The following ZNF280D variants were observed in gnomAD, a reference collection of about 807,000 sequenced individuals.
ZNF280D encodes the protein suppressor of hairy wing homolog 4.
A neutral mutation model predicts 94.7 loss-of-function variants in ZNF280D; 39 were observed. The ratio of observed to expected loss-of-function variants is 0.41; its 90% CI spans 0.32 to 0.54. The LOEUF (loss-of-function observed/expected upper bound fraction) is 0.54, where lower values mean the gene tolerates loss of function less well. Ranked by LOEUF, ZNF280D falls within the 20% of genes least tolerant of loss-of-function variation. The pLI, the probability that ZNF280D is intolerant of heterozygous loss-of-function variation, is 0.22. For missense variants in ZNF280D, 1,090 were observed against 1,149.3 expected, an observed-to-expected ratio of 0.95 and a Z score of 0.75; for synonymous variants, 398 against 377.6, an observed-to-expected ratio of 1.05 and a Z score of -0.63.
At position 56,642,991 on chromosome 15, in the gene ZNF280D, T is replaced by C. The variant is rs1330609203; in HGVS notation, c.2220A>G (p.Lys740=). 3 of 1,505,950 alleles carry C rather than the reference T, an allele frequency of 2.0e-6. No homozygotes were observed. The highest frequency in any genetic ancestry group is 2.7e-6 in the Non-Finnish European group (3 of 1,131,120). 93.3% of individuals were successfully genotyped at this position (1,505,950 alleles called of 1,614,324 possible). Residue 740 remains lysine (K), a synonymous_variant, in exon 20 of 22, where the codon AAA becomes AAG. Transcript: ENST00000267807. ...CTTGTTCCTTTGCGGGAGCTTCTTT[T>C]TTTAATCTTGAAAACAAGATAAGTA... ...IPTSEHLSEL[K]KEAPAKEQEP...
At chr15:56,635,340 A>T (rs2052301321) in intron 20 of ZNF280D, 90 bp from the exon 21 acceptor site, 2 of 515,096 alleles carry the variant, frequency 3.9e-6, no homozygotes, top group South Asian at 9.3e-5. Context: ...AAAAGAAACA[A>T]GTGTGCAACT....
intron 20 of ZNF280D, among the ~76,000 whole-genome samples, chr15:56,636,092 C>T (rs2052337356): frequency 6.6e-6 from 1 of 152,094 alleles, no homozygotes; most frequent in Non-Finnish European, 1.5e-5. Context: ...CACTTATCTA[C>T]TCACCGTCTC....
chr15:56,703,785 T>C (rs1390439598), intron 4 of ZNF280D, among the ~76,000 whole-genome samples: 23 of 151,894 alleles, frequency 1.5e-4, no homozygotes, highest in African/African-American at 4.6e-4. Flanking sequence ...GCCAAGGAGG[T>C]TGAGGCTACA....
chr15:56,637,893 T>A, intron 20 of ZNF280D, among the ~76,000 whole-genome samples: 1 of 152,100 alleles, frequency 6.6e-6, no homozygotes, highest in East Asian at 1.9e-4. Flanking sequence ...ATCTTTTTAA[T>A]ATTTTGTGTG....
Position 56,707,144 on chromosome 15 carries a change from C to G in ZNF280D, c.-35G>C, listed in dbSNP as rs77988989. The G allele has an allele frequency of 1.9e-6, 3 of 1,613,668 alleles. No homozygotes were observed. The highest frequency in any genetic ancestry group is 2.5e-6 in the Non-Finnish European group (3 of 1,179,856). On this transcript the variant is annotated 5_prime_UTR_variant, in exon 3 of 22. Coordinates refer to ENST00000267807, the MANE Select transcript of ZNF280D (RefSeq NM_017661.4). ...GAGATGACTTTCTGTAAATTGTCAC[C>G]TAAGTACTGACACATGATATCAGTC... is the stretch of plus-strand genomic sequence containing the variant.
Position 56,630,653 on chromosome 15 carries a change from G to A in ZNF280D, c.*845C>T, listed in dbSNP as rs1445171591. On this transcript the variant is annotated 3_prime_UTR_variant, in exon 22 of 22. Transcript: ENST00000267807. ...ACCATTTTTATGGGCCTATTTCTAA[G>A]GAAGATCATTAAAACAATATTAAAA... 1 of 151,990 alleles carries A rather than the reference G, an allele frequency of 6.6e-6. No individual in the cohort carries two copies. The highest frequency in any genetic ancestry group is 2.4e-5 in the African/African-American group (1 of 41,366). The allele number at this position is 151,990 out of a possible 1,614,324, so 9.4% of individuals were successfully genotyped here. A position where few individuals can be genotyped will look rare whatever the true frequency, so the allele number is the denominator to read the frequency against.
At chr15:56,678,327 A>G (rs2055385885) in intron 11 of ZNF280D, among the ~76,000 whole-genome samples, 1 of 152,100 alleles carries the variant, frequency 6.6e-6, no homozygotes, top group Non-Finnish European at 1.5e-5. Context: ...TTTTTAACTA[A>G]AACAGTAGTT....
intron 21 of ZNF280D, chr15:56,634,185 A>G (rs2052233247): frequency 2.0e-5 from 3 of 152,182 alleles, no homozygotes; most frequent in Admixed American, 2.0e-4. Context: ...AGTGGTAGAA[A>G]GATTCTGATT....
intron 3 of ZNF280D, among the ~76,000 whole-genome samples, chr15:56,706,822 T>A (rs1252326274): frequency 6.6e-6 from 1 of 152,128 alleles, no homozygotes; most frequent in Non-Finnish European, 1.5e-5. Flanking sequence ...TAATTTAATT[T>A]TTGTCTATGT....
In ZNF280D at chr15:56,707,392, A is replaced by T; in HGVS notation, c.-85-86T>A. On this transcript the variant is annotated intron_variant, in intron 1 of 21. Transcript: ENST00000267807. ...TAATCTTTTCTCCTATACAGAGGTCAATTATGTTTGATATATCTGATATAC... is the reference window on the plus strand; with the variant it reads ...TAATCTTTTCTCCTATACAGAGGTCTATTATGTTTGATATATCTGATATAC... 4 of 1,210,014 alleles carry T rather than the reference A, an allele frequency of 3.3e-6. No homozygotes were observed. In the South Asian group the frequency reaches 4.0e-5, roughly 12 times the overall value. The allele number at this position is 1,210,014 out of a possible 1,614,324, so 75.0% of individuals were successfully genotyped here. A position where few individuals can be genotyped will look rare whatever the true frequency, so the allele number is the denominator to read the frequency against.
chr15:56,704,179 G>A lies in ZNF280D; in HGVS notation c.117C>T (p.Asp39=), dbSNP rs144812565. The change falls in exon 4 of 22, where the codon GAC becomes GAT. Residue 39 remains aspartate (D), a synonymous_variant. Coordinates refer to ENST00000267807, the MANE Select transcript of ZNF280D (RefSeq NM_017661.4). ...CAACAAAGATTGGCTCATCATCATCGTCATCCTCAACTTCTTTTACTTTCT... is the reference window on the plus strand; with the variant it reads ...CAACAAAGATTGGCTCATCATCATCATCATCCTCAACTTCTTTTACTTTCT... ...WQKKVKEVED[D]DDDEPIFVGE... The A allele has an allele frequency of 1.0e-4, 162 of 1,613,606 alleles. 1 individual carries two copies. The African/African-American group carries it at 1.7e-3, about 17-fold the overall frequency.
intron 16 of ZNF280D, among the ~76,000 whole-genome samples, chr15:56,662,218 A>T (rs893899230): frequency 1.5e-4 from 23 of 152,236 alleles, no homozygotes; most frequent in African/African-American, 5.5e-4. Flanking sequence ...TTTTCAGATA[A>T]TTTCTATTAC....
chr15:56,635,539 C>G (rs1460200709), intron 20 of ZNF280D: 2 of 154,334 alleles, frequency 1.3e-5, no homozygotes, highest in Non-Finnish European at 2.9e-5. Context: ...ACCTCTATTT[C>G]AAATGTGGAT....
chr15:56,672,656 T>C (rs1381239695), intron 13 of ZNF280D, among the ~76,000 whole-genome samples: 4 of 151,878 alleles, frequency 2.6e-5, no homozygotes, highest in Admixed American at 6.6e-5. Flanking sequence ...TGGTTTTTTT[T>C]GTGTGTGTTT....
chr15:56,674,441 T>G (rs189628773), intron 13 of ZNF280D, among the ~76,000 whole-genome samples: 45 of 152,192 alleles, frequency 3.0e-4, no homozygotes, highest in African/African-American at 1.0e-3. Flanking sequence ...TATACTATAT[T>G]GTTTGGGAGA....
At position 56,696,778 on chromosome 15, in the gene ZNF280D, T is replaced by C. The variant is rs539305842; in HGVS notation, c.382-3563A>G. Among the ~76,000 whole-genome samples the C allele has an allele frequency of 3.3e-5, 5 of 152,344 alleles. No homozygotes were observed. The South Asian group carries it at 8.3e-4, about 25-fold the overall frequency. ...CTTTGACTGCACAGTAGAATCACACTTGAAGAGTTTTTAAGCAGCTATCAT... is the reference window on the plus strand; with the variant it reads ...CTTTGACTGCACAGTAGAATCACACCTGAAGAGTTTTTAAGCAGCTATCAT... On this transcript the variant is annotated intron_variant, in intron 6 of 21. Coordinates refer to ENST00000267807, the MANE Select transcript of ZNF280D (RefSeq NM_017661.4).
intron 9 of ZNF280D, among the ~76,000 whole-genome samples, chr15:56,687,112 C>A (rs1326841425): frequency 4.6e-5 from 7 of 151,956 alleles, no homozygotes; most frequent in African/African-American, 1.7e-4. Flanking sequence ...AAAAAGTCCC[C>A]ACAGATTTAA....
intron 1 of ZNF280D, among the ~76,000 whole-genome samples, chr15:56,719,800 G>A (rs1036923646): frequency 3.4e-5 from 5 of 147,484 alleles, no homozygotes; most frequent in Admixed American, 6.8e-5. Flanking sequence ...TAAAAGTTAG[G>A]TTTACAACTA....
Position 56,725,419 on chromosome 15 carries a change from T to C in ZNF280D, c.-86+8039A>G, listed in dbSNP as rs151224046. 1.1e-4 allele frequency among the ~76,000 whole-genome samples: 16 copies of C among 152,284 alleles called. No individual in the cohort carries two copies. In the East Asian group the frequency reaches 2.1e-3, roughly 20 times the overall value. ...AATGAAAGCAGCACATATTAATATA[T>C]TTTTACAAAAAAAGTGTATTTCTCA... On this transcript the variant is annotated intron_variant, in intron 1 of 21. Coordinates refer to ENST00000267807, the MANE Select transcript of ZNF280D (RefSeq NM_017661.4).
Sources: allele counts gnomAD v4.1 joint callset (sites outside exome capture counted in the v4.1 genomes callset), GRCh38; gene constraint gnomAD v4.1.1; transcripts MANE v1.5; gene names NCBI Gene and HGNC (gene_info 2026-07-23, HGNC 2026-07-21).